The following PTPRT variants were observed in gnomAD, a reference collection of about 807,000 sequenced individuals.
PTPRT encodes the protein receptor-type tyrosine-protein phosphatase T.
In PTPRT, 56 loss-of-function variants were observed where a neutral mutation model predicts 176.8. The ratio of observed to expected loss-of-function variants is 0.32; its 90% CI spans 0.26 to 0.40. PTPRT has a LOEUF of 0.40. Ranked by LOEUF, PTPRT falls within the 10% of genes least tolerant of loss-of-function variation. The pLI, the probability that PTPRT is intolerant of heterozygous loss-of-function variation, is 1.00. For missense variants in PTPRT, 1,540 were observed against 1,908.2 expected, an observed-to-expected ratio of 0.81 and a Z score of 3.60; for synonymous variants, 783 against 739.0, an observed-to-expected ratio of 1.06 and a Z score of -0.96.
intron 2 of PTPRT, among the ~76,000 whole-genome samples, chr20:42,854,594 C>G (rs2078530555): frequency 6.6e-6 from 1 of 152,224 alleles, no homozygotes; most frequent in South Asian, 2.1e-4. Context: ...CAGATGATCA[C>G]ATCTCCCTCA....
intron 9 of PTPRT, among the ~76,000 whole-genome samples, chr20:42,409,337 C>T (rs1470296582): frequency 2.0e-5 from 3 of 151,668 alleles, no homozygotes; most frequent in African/African-American, 7.3e-5. Context: ...AAAAAATTAG[C>T]CGGGCATGGT....
chr20:42,799,000 G>T (rs1252248859), intron 2 of PTPRT, among the ~76,000 whole-genome samples: 1 of 151,956 alleles, frequency 6.6e-6, no homozygotes, highest in Non-Finnish European at 1.5e-5. Context: ...CTAGCCGCCT[G>T]CATTCTTTTA....
At chr20:42,518,618 C>T (rs1239790319) in intron 7 of PTPRT, among the ~76,000 whole-genome samples, 3 of 151,828 alleles carry the variant, frequency 2.0e-5, no homozygotes, top group Non-Finnish European at 4.4e-5. Context: ...TATAATTCCC[C>T]TTAATTCTTT....
At chr20:42,489,982 T>G (rs1307175870) in intron 7 of PTPRT, among the ~76,000 whole-genome samples, 1 of 152,186 alleles carries the variant, frequency 6.6e-6, no homozygotes, top group Non-Finnish European at 1.5e-5. Context: ...AAAGTTTTCC[T>G]CAAAACCATT....
intron 7 of PTPRT, among the ~76,000 whole-genome samples, chr20:42,559,250 A>G (rs2072910650): frequency 6.6e-6 from 1 of 152,150 alleles, no homozygotes; most frequent in Admixed American, 6.5e-5. Context: ...AAGTTATACC[A>G]TTCACCTGAA....
intron 11 of PTPRT, among the ~76,000 whole-genome samples, chr20:42,326,919 G>A (rs1248989244): frequency 2.0e-5 from 3 of 149,766 alleles, no homozygotes; most frequent in African/African-American, 7.4e-5. Context: ...AGTAAGATTT[G>A]TTTTGTTCAA....
At chr20:43,115,347 T>C (rs529719763) in intron 1 of PTPRT, among the ~76,000 whole-genome samples, 3 of 152,150 alleles carry the variant, frequency 2.0e-5, no homozygotes, top group Non-Finnish European at 4.4e-5. Flanking sequence ...TCCAGCATAG[T>C]TCATCAAGGT....
chr20:42,602,669 G>A (rs968249974), intron 7 of PTPRT, among the ~76,000 whole-genome samples: 1 of 152,006 alleles, frequency 6.6e-6, no homozygotes, highest in African/African-American at 2.4e-5. Context: ...TTACCACTAT[G>A]TTCTTTTTTT....
intron 9 of PTPRT, among the ~76,000 whole-genome samples, chr20:42,440,009 C>A (rs372426225): frequency 6.6e-6 from 1 of 152,266 alleles, no homozygotes; most frequent in African/African-American, 2.4e-5. Context: ...TGAGTTCAAG[C>A]GATTCTCCTG....
intron 1 of PTPRT, among the ~76,000 whole-genome samples, chr20:43,133,946 C>A (rs140682912): frequency 3.9e-5 from 6 of 152,152 alleles, no homozygotes; most frequent in South Asian, 2.1e-4. Context: ...CTGGTCCAGG[C>A]ACTACACTTT....
chr20:42,824,499 T>A (rs1305222065), intron 2 of PTPRT, among the ~76,000 whole-genome samples: 1 of 152,062 alleles, frequency 6.6e-6, no homozygotes, highest in Non-Finnish European at 1.5e-5. Flanking sequence ...ACAGCCCCAC[T>A]TTTAATGAGG....
intron 12 of PTPRT, among the ~76,000 whole-genome samples, chr20:42,301,638 AC>A (rs2057469778): frequency 6.7e-6 from 1 of 149,724 alleles, no homozygotes; most frequent in African/African-American, 2.6e-5. Flanking sequence ...AGATAGATAG[AC>A]AAACAGACAA....
chr20:42,269,023 A>C (rs1429561239), intron 13 of PTPRT, among the ~76,000 whole-genome samples: 1 of 152,192 alleles, frequency 6.6e-6, no homozygotes, highest in Non-Finnish European at 1.5e-5. Flanking sequence ...ACCATGGTAC[A>C]AATATTGGCC....
chr20:42,057,042 A>G, the PTPRT span, among the ~76,000 whole-genome samples: 1 of 152,164 alleles, frequency 6.6e-6, no homozygotes, highest in Non-Finnish European at 1.5e-5. Flanking sequence ...CTCACCTTCC[A>G]AGCACTTATT....
chr20:42,184,984 A>G (rs562943537), intron 16 of PTPRT, among the ~76,000 whole-genome samples: 5 of 152,048 alleles, frequency 3.3e-5, no homozygotes, highest in Non-Finnish European at 5.9e-5. Context: ...ACCTAGAAGA[A>G]TTTGATATCC....
chr20:42,576,868 C>T (rs2073270766), intron 7 of PTPRT, among the ~76,000 whole-genome samples: 1 of 152,086 alleles, frequency 6.6e-6, no homozygotes, highest in Non-Finnish European at 1.5e-5. Context: ...GGTTTCTGCC[C>T]CTCAACTAGC....
intron 2 of PTPRT, among the ~76,000 whole-genome samples, chr20:42,866,895 C>T (rs2078755909): frequency 6.6e-6 from 1 of 152,180 alleles, no homozygotes; most frequent in African/African-American, 2.4e-5. Flanking sequence ...ACCACTAGCT[C>T]CTTCAAAAGG....
chr20:42,207,053 G>A (rs923017272), intron 15 of PTPRT, among the ~76,000 whole-genome samples: 9 of 152,086 alleles, frequency 5.9e-5, no homozygotes, highest in African/African-American at 1.9e-4. Context: ...ACAAGGCAGG[G>A]TATTCCAACA....
chr20:42,405,440 G>C (rs1425475066), intron 9 of PTPRT, among the ~76,000 whole-genome samples: 1 of 152,096 alleles, frequency 6.6e-6, no homozygotes, highest in Non-Finnish European at 1.5e-5. Flanking sequence ...AGAACATGCA[G>C]TGTTTGGTTT....
Sources: allele counts gnomAD v4.1 joint callset (sites outside exome capture counted in the v4.1 genomes callset), GRCh38; gene constraint gnomAD v4.1.1; transcripts MANE v1.5; gene names NCBI Gene and HGNC (gene_info 2026-07-23, HGNC 2026-07-21).